ZNF394: variants seen among roughly 807,000 people sequenced by gnomAD.
ZNF394 encodes zinc finger protein 394, also known as zinc finger protein 99.
ZNF394 carries 19 observed loss-of-function variants against 21.8 expected under a neutral mutation model. The observed-to-expected ratio is 0.87, with a 90% CI of 0.61 to 1.28. The LOEUF is 1.28. Among genes scored for constraint, ZNF394 ranks in the 50% most tolerant of loss-of-function variants. ZNF394 has a pLI of 0.00. For missense variants in ZNF394, 683 were observed against 708.6 expected, an observed-to-expected ratio of 0.96 and a Z score of 0.41; for synonymous variants, 294 against 273.3, an observed-to-expected ratio of 1.08 and a Z score of -0.75.
rs755775562 is a variant in ZNF394, at chr7:99,493,884, C to T, written c.1331G>A (p.Cys444Tyr). 2 of 1,614,124 alleles carry T rather than the reference C, an allele frequency of 1.2e-6. No individual in the cohort carries two copies. Among genetic ancestry groups the T allele is most frequent in the African/African-American group, 2.7e-5 (2 of 74,944 alleles). ...STHSRDKHFK[C>Y]EECGETCHIS... ...ATGACAGGTTTCCCCGCATTCCTCA[C>T]ATTTAAAATGTTTGTCTCTACTGTG... The change falls in exon 3 of 3, where the codon TGT (cysteine) becomes TAT (tyrosine). Residue 444 changes from cysteine (C) to tyrosine (Y), a missense_variant. Coordinates refer to ENST00000337673, the MANE Select transcript of ZNF394 (RefSeq NM_032164.4).
Position 99,493,249 on chromosome 7 carries a change from A to T in ZNF394, c.*280T>A, listed in dbSNP as rs1427940723. On this transcript the variant is annotated 3_prime_UTR_variant, in exon 3 of 3. Coordinates refer to ENST00000337673, the MANE Select transcript of ZNF394 (RefSeq NM_032164.4). ...GGCCAAGTCACATAGAAACATATCA[A>T]AATGACAGCACTTTATTTCTTTTTT... is the stretch of plus-strand genomic sequence containing the variant. The T allele has an allele frequency of 7.9e-6, 9 of 1,139,442 alleles. No individual in the cohort carries two copies. The highest frequency in any genetic ancestry group is 9.7e-6 in the Non-Finnish European group (9 of 926,430). 70.6% of individuals were successfully genotyped at this position (1,139,442 alleles called of 1,614,324 possible). A position where few individuals can be genotyped will look rare whatever the true frequency, so the allele number is the denominator to read the frequency against.
Position 99,494,084 on chromosome 7 carries a change from C to T in ZNF394, c.1131G>A (p.Gln377=). The change falls in exon 3 of 3, where the codon CAG becomes CAA. Residue 377 remains glutamine (Q), a synonymous_variant. Coordinates refer to ENST00000337673, the MANE Select transcript of ZNF394 (RefSeq NM_032164.4). ...AGGGTTTCTCACCTGTGTGGATTCTCTGGTGTCTAAAGAGGTCAGAGCGTT... is the reference window on the plus strand; with the variant it reads ...AGGGTTTCTCACCTGTGTGGATTCTTTGGTGTCTAAAGAGGTCAGAGCGTT... ...FKQRSDLFRH[Q]RIHTGEKPYG... is the part of the protein sequence containing the mutation. The T allele has an allele frequency of 4.3e-6, 7 of 1,613,662 alleles. No individual in the cohort carries two copies. Among genetic ancestry groups the T allele is most frequent in the Non-Finnish European group, 5.9e-6 (7 of 1,179,904 alleles).
chr7:99,490,743 A>G (rs1361787474), downstream of ZNF394, among the ~76,000 whole-genome samples: 1 of 152,008 alleles, frequency 6.6e-6, no homozygotes, highest in Admixed American at 6.6e-5. Flanking sequence ...GAAGGTACAA[A>G]CAGGAGAGAA....
downstream of ZNF394, among the ~76,000 whole-genome samples, chr7:99,490,206 G>A (rs891756168): frequency 7.0e-6 from 1 of 142,900 alleles, no homozygotes; most frequent in Non-Finnish European, 1.5e-5. Context: ...CCAGGCTGGA[G>A]TGCAGCGGTG....
intron 2 of ZNF394, among the ~76,000 whole-genome samples, chr7:99,496,333 G>A (rs1800309848): frequency 6.6e-6 from 1 of 150,826 alleles, no homozygotes; most frequent in Admixed American, 6.6e-5. Context: ...TGGGATTACA[G>A]GTATGAGCCA....
In ZNF394 at chr7:99,500,249, G is replaced by T; in HGVS notation, c.-156C>A. The T allele has an allele frequency of 3.0e-6, 2 of 657,580 alleles. No homozygotes were observed. Among genetic ancestry groups the T allele is most frequent in the Non-Finnish European group, 4.8e-6 (2 of 418,672 alleles). The allele number at this position is 657,580 out of a possible 1,614,324, so 40.7% of individuals were successfully genotyped here. A position where few individuals can be genotyped will look rare whatever the true frequency, so the allele number is the denominator to read the frequency against. On this transcript the variant is annotated 5_prime_UTR_variant, in exon 1 of 3. Transcript: ENST00000337673. ...CACACTCTCCTTTCCTCAGCTTTGC[G>T]CCTACAACTCTCTCGGTCAAACAAC... is the stretch of plus-strand genomic sequence containing the variant.
intron 2 of ZNF394, chr7:99,498,500 T>A (rs1489821447): frequency 1.8e-5 from 9 of 505,840 alleles, no homozygotes; most frequent in African/African-American, 9.9e-5. Flanking sequence ...TATCTTTTTT[T>A]TATATAGTTT....
At position 99,494,293 on chromosome 7, in the gene ZNF394, T is replaced by C. The variant is rs769530989; in HGVS notation, c.922A>G (p.Thr308Ala). The part of the protein sequence containing the change: ...CQHIPKAERP[T>A]DSEEHGNKCK... ...TTGTTCCCGTGTTCCTCACTGTCAG[T>C]GGGCCTCTCTGCTTTCGGGATGTGC... Residue 308 changes from threonine to alanine, a missense_variant, in exon 3 of 3, where the codon ACT (threonine) becomes GCT (alanine). Thr to Ala is a moderately conservative substitution (Grantham distance 58, BLOSUM62 0). Coordinates refer to ENST00000337673, the MANE Select transcript of ZNF394 (RefSeq NM_032164.4). The C allele has an allele frequency of 6.2e-7, 1 of 1,614,242 alleles. No homozygotes were observed. The highest frequency in any genetic ancestry group is 1.7e-5 in the Admixed American group (1 of 60,024).
At chr7:99,491,107 G>T (rs73403247), downstream of ZNF394, among the ~76,000 whole-genome samples, 1 of 152,028 alleles carries the variant, frequency 6.6e-6, no homozygotes, top group African/African-American at 2.4e-5. Context: ...TCTCCTGACC[G>T]TGATGGTGGG....
intron 1 of ZNF394, chr7:99,487,243 G>C: frequency 6.2e-6 from 10 of 1,614,188 alleles, no homozygotes; most frequent in Non-Finnish European, 8.5e-6. Context: ...TAAATGCAGT[G>C]AATGTGGACA....
In ZNF394 at chr7:99,500,230, CTCCTT is replaced by C. The variant is rs1800482014; in HGVS notation, c.-142_-138del. The C allele has an allele frequency of 1.5e-5, 11 of 755,582 alleles. No homozygotes were observed. In the East Asian group the frequency reaches 3.3e-4, roughly 22 times the overall value. 46.8% of individuals were successfully genotyped at this position (755,582 alleles called of 1,614,324 possible). Reference sequence around the variant, plus strand: ...ACCACACCAGGCCCCTCTCCACACTCTCCTTTCCTCAGCTTTGCGCCTACAACTCT... The same window carrying C: ...ACCACACCAGGCCCCTCTCCACACTCTCCTCAGCTTTGCGCCTACAACTCT... On this transcript the variant is annotated 5_prime_UTR_variant, in exon 1 of 3. Coordinates refer to ENST00000337673, the MANE Select transcript of ZNF394 (RefSeq NM_032164.4).
chr7:99,491,870 C>T (rs549886653), downstream of ZNF394, among the ~76,000 whole-genome samples: 1 of 150,588 alleles, frequency 6.6e-6, no homozygotes, highest in Non-Finnish European at 1.5e-5. Flanking sequence ...GTCAGGAGAT[C>T]CAGACCATCC....
chr7:99,497,104 G>GTA (rs1444975131), intron 2 of ZNF394, among the ~76,000 whole-genome samples: 1 of 118,506 alleles, frequency 8.4e-6, no homozygotes, highest in African/African-American at 4.5e-5. Flanking sequence ...GTGTGTGTGT[G>GTA]TGTGTGTGTG....
In ZNF394 at chr7:99,493,469, C is replaced by T. The variant is rs192140804; in HGVS notation, c.*60G>A. 9.2e-6 allele frequency: 13 copies of T among 1,407,570 alleles called. No individual in the cohort carries two copies. The highest frequency in any genetic ancestry group is 2.2e-5 in the Admixed American group (1 of 45,532). The allele number at this position is 1,407,570 out of a possible 1,614,324, so 87.2% of individuals were successfully genotyped here. On this transcript the variant is annotated 3_prime_UTR_variant, in exon 3 of 3. Transcript: ENST00000337673. ...ACAGGATTTTACCATGTTGGCCAGG[C>T]TGGTTTCAAACTCCTGATCTCAAAT... is the stretch of plus-strand genomic sequence containing the variant.
chr7:99,500,162 CTCA>C lies in ZNF394; in HGVS notation c.-72_-70del. ...GTGAAGAAAGAGCAAACCCAAGGAA[CTCA>C]TCAGCCGTCAACACCCTCCGGTCCC... On this transcript the variant is annotated 5_prime_UTR_variant, in exon 1 of 3. The change abolishes an upstream ATG in the 5' untranslated region. Coordinates refer to ENST00000337673, the MANE Select transcript of ZNF394 (RefSeq NM_032164.4). 1 of 1,468,782 alleles carries C rather than the reference CTCA, an allele frequency of 6.8e-7. No individual in the cohort carries two copies. The highest frequency in any genetic ancestry group is 9.0e-7 in the Non-Finnish European group (1 of 1,109,500). 91.0% of individuals were successfully genotyped at this position (1,468,782 alleles called of 1,614,324 possible).
At chr7:99,486,827 G>A (rs1799980829) in exon 2 of ZNF394, 4 of 1,614,214 alleles carry the variant, frequency 2.5e-6, no homozygotes, top group Non-Finnish European at 3.4e-6. Context: ...TGCAGTGAAT[G>A]TGGAAAAGTC....
chr7:99,499,352 G>A (rs1178469778), intron 1 of ZNF394, among the ~76,000 whole-genome samples: 1 of 151,194 alleles, frequency 6.6e-6, no homozygotes, highest in Non-Finnish European at 1.5e-5. Context: ...CTCCAGCCTG[G>A]GCAACAAGAG....
downstream of ZNF394, among the ~76,000 whole-genome samples, chr7:99,489,286 A>G (rs1427563750): frequency 6.8e-6 from 1 of 146,260 alleles, no homozygotes; most frequent in Non-Finnish European, 1.5e-5. Flanking sequence ...TCCATCTCAA[A>G]AAAGAAAAAA....
rs1288395842 is a variant in ZNF394 at position 99,494,479 on chromosome 7, G to A, written c.736C>T (p.Gln246Ter). ...TTCAGGGGCAAGGGGTCTCCGGACT[G>A]CTTTTCCACCCTGTCCTCATGGGTA... is the stretch of plus-strand genomic sequence containing the variant. ...GSTHEDRVEK[Q>*]SGDPLPLKLE... The change falls in exon 3 of 3, where the codon CAG becomes TAG. Residue 246 changes from glutamine (Q) to a stop codon, truncating the protein, a stop_gained. Coordinates refer to ENST00000337673, the MANE Select transcript of ZNF394 (RefSeq NM_032164.4). LOFTEE classifies it low-confidence loss of function (END_TRUNC). 6.2e-7 allele frequency: 1 copy of A among 1,613,952 alleles called. No individual in the cohort carries two copies. Among genetic ancestry groups the A allele is most frequent in the Admixed American group, 1.7e-5 (1 of 60,000 alleles).
Sources: gnomAD v4.1 joint callset for allele counts (sites outside exome capture counted in the v4.1 genomes callset) on GRCh38, gnomAD v4.1.1 for gene constraint, MANE v1.5 for transcripts, NCBI Gene and HGNC (gene_info 2026-07-23, HGNC 2026-07-21) for gene names.